GRM7: variants seen among roughly 807,000 people sequenced by gnomAD.
GRM7 encodes the protein metabotropic glutamate receptor 7.
In GRM7, 35 loss-of-function variants were observed where a neutral mutation model predicts 84.5. That is an observed-to-expected ratio of 0.41 (90% CI 0.32 to 0.55). The LOEUF is 0.55. Ranked by LOEUF, GRM7 falls within the 20% of genes least tolerant of loss-of-function variation. The pLI, the probability that GRM7 is intolerant of heterozygous loss-of-function variation, is 0.19. For missense variants in GRM7, 1,003 were observed against 1,194.6 expected, an observed-to-expected ratio of 0.84 and a Z score of 2.36; for synonymous variants, 487 against 455.1, an observed-to-expected ratio of 1.07 and a Z score of -0.89.
chr3:7,185,099 T>C (rs1164698529), intron 2 of GRM7, among the ~76,000 whole-genome samples: 2 of 152,136 alleles, frequency 1.3e-5, no homozygotes, highest in Non-Finnish European at 2.9e-5. Context: ...AAGTAATATA[T>C]TTAGTAAGTG....
intron 2 of GRM7, among the ~76,000 whole-genome samples, chr3:7,216,345 T>C (rs1472888455): frequency 6.6e-6 from 1 of 152,196 alleles, no homozygotes; most frequent in Non-Finnish European, 1.5e-5. Context: ...GATAATTGAC[T>C]AAAGGCAAGT....
At chr3:7,382,182 G>A (rs948848956) in intron 4 of GRM7, among the ~76,000 whole-genome samples, 4 of 152,000 alleles carry the variant, frequency 2.6e-5, no homozygotes, top group African/African-American at 7.2e-5. Context: ...TGGATTTAGA[G>A]TCTTCTTACT....
intron 8 of GRM7, among the ~76,000 whole-genome samples, chr3:7,586,736 A>G (rs1695538089): frequency 6.6e-6 from 1 of 152,156 alleles, no homozygotes; most frequent in South Asian, 2.1e-4. Flanking sequence ...TGAACCCAGG[A>G]GGCAGAGGTT....
chr3:7,119,585 C>T (rs1163120324), intron 1 of GRM7, among the ~76,000 whole-genome samples: 1 of 152,098 alleles, frequency 6.6e-6, no homozygotes, highest in Non-Finnish European at 1.5e-5. Flanking sequence ...AAAGTGAGTA[C>T]TTTCAATGAA....
chr3:7,438,873 A>G (rs1213901551), intron 5 of GRM7, among the ~76,000 whole-genome samples: 1 of 152,116 alleles, frequency 6.6e-6, no homozygotes. Flanking sequence ...TTATGTGAGC[A>G]AGATATCGGG....
At chr3:7,530,783 A>C (rs1701008425) in intron 7 of GRM7, among the ~76,000 whole-genome samples, 3 of 149,204 alleles carry the variant, frequency 2.0e-5, no homozygotes, top group Admixed American at 2.0e-4. Flanking sequence ...CCATTTTTTG[A>C]TGGGTCTGTT....
chr3:7,373,215 C>T (rs1042781573), intron 4 of GRM7, among the ~76,000 whole-genome samples: 1 of 152,214 alleles, frequency 6.6e-6, no homozygotes, highest in African/African-American at 2.4e-5. Flanking sequence ...CTCCCTAAAT[C>T]CTATTTACTA....
chr3:7,424,333 G>A (rs1433371299), intron 5 of GRM7, among the ~76,000 whole-genome samples: 1 of 151,742 alleles, frequency 6.6e-6, no homozygotes, highest in Non-Finnish European at 1.5e-5. Flanking sequence ...AAAAGTCAGG[G>A]CTCCTCCATG....
intron 4 of GRM7, among the ~76,000 whole-genome samples, chr3:7,395,735 C>T (rs532248349): frequency 2.6e-5 from 4 of 152,148 alleles, no homozygotes; most frequent in Non-Finnish European, 5.9e-5. Flanking sequence ...GATTATGAGG[C>T]CTCCCCAGTC....
chr3:7,324,874 G>T (rs1429253239), intron 4 of GRM7, among the ~76,000 whole-genome samples: 1 of 151,900 alleles, frequency 6.6e-6, no homozygotes, highest in African/African-American at 2.4e-5. Flanking sequence ...TCTAACCTTG[G>T]CCCAGCACCT....
chr3:7,478,987 A>G (rs1699031083), intron 7 of GRM7, among the ~76,000 whole-genome samples: 1 of 152,158 alleles, frequency 6.6e-6, no homozygotes, highest in Non-Finnish European at 1.5e-5. Flanking sequence ...CAATTATAGT[A>G]CAGAGATGGA....
At chr3:7,342,223 C>G (rs1692673341) in intron 4 of GRM7, among the ~76,000 whole-genome samples, 1 of 152,106 alleles carries the variant, frequency 6.6e-6, no homozygotes, top group Non-Finnish European at 1.5e-5. Flanking sequence ...ATTGCATTTT[C>G]AAGACAAAAC....
chr3:6,871,838 G>A lies in GRM7; in HGVS notation c.519+9931G>A, dbSNP rs555313959. 5.9e-5 allele frequency among the ~76,000 whole-genome samples: 9 copies of A among 152,056 alleles called. No individual in the cohort carries two copies. In the South Asian group the frequency reaches 1.7e-3, roughly 28 times the overall value. ...GTGTAGTAAATTTTATCAAAATATA[G>A]CTTCTGAAGAACGGAACAGAGGGTA... is the stretch of plus-strand genomic sequence containing the variant. On this transcript the variant is annotated intron_variant, in intron 1 of 9. Transcript: ENST00000357716.
chr3:7,041,815 T>TG (rs1696627069), intron 1 of GRM7, among the ~76,000 whole-genome samples: 1 of 151,972 alleles, frequency 6.6e-6, no homozygotes, highest in South Asian at 2.1e-4. Flanking sequence ...CTGATCACCA[T>TG]GGAAAAAAAC....
intron 1 of GRM7, among the ~76,000 whole-genome samples, chr3:7,022,618 CT>C (rs1169071529): frequency 6.6e-6 from 1 of 151,938 alleles, no homozygotes; most frequent in African/African-American, 2.4e-5. Flanking sequence ...TATGTGCATC[CT>C]TATATTTATA....
At chr3:7,205,567 A>G (rs1282509412) in intron 2 of GRM7, among the ~76,000 whole-genome samples, 1 of 152,200 alleles carries the variant, frequency 6.6e-6, no homozygotes, top group Non-Finnish European at 1.5e-5. Context: ...TTGCTTTCCA[A>G]TAATAAGAAT....
intron 1 of GRM7, among the ~76,000 whole-genome samples, chr3:7,013,767 A>G (rs1023890118): frequency 6.6e-6 from 1 of 151,860 alleles, no homozygotes; most frequent in Non-Finnish European, 1.5e-5. Flanking sequence ...TATCTCTTAC[A>G]ATTTTTTTTT....
chr3:6,966,671 C>A (rs1237841385), intron 1 of GRM7, among the ~76,000 whole-genome samples: 3 of 152,172 alleles, frequency 2.0e-5, no homozygotes, highest in African/African-American at 4.8e-5. Flanking sequence ...TAGAAAGTTC[C>A]AAATGTTGCC....
At chr3:7,682,812 T>C (rs1424720965) in intron 9 of GRM7, among the ~76,000 whole-genome samples, 1 of 152,254 alleles carries the variant, frequency 6.6e-6, no homozygotes, top group Non-Finnish European at 1.5e-5. Context: ...ACATTAATGC[T>C]AATGCTTGCA....
Sources: allele counts gnomAD v4.1 joint callset (sites outside exome capture counted in the v4.1 genomes callset), GRCh38; gene constraint gnomAD v4.1.1; transcripts MANE v1.5; gene names NCBI Gene and HGNC (gene_info 2026-07-23, HGNC 2026-07-21).